Variants in ZDHHC15 observed in about 807,000 individuals in gnomAD.
ZDHHC15 encodes the protein zDHHC palmitoyltransferase 15.
A neutral mutation model predicts 31.7 loss-of-function variants in ZDHHC15; 19 were observed. That is an observed-to-expected ratio of 0.60 (90% confidence interval 0.42 to 0.88). The LOEUF (loss-of-function observed/expected upper bound fraction) is 0.88, where lower values mean the gene tolerates loss of function less well. Among genes scored for constraint, ZDHHC15 ranks in the 40% least tolerant of loss-of-function variants. ZDHHC15 has a pLI of 0.00. For synonymous variants in ZDHHC15, 103 were observed against 90.0 expected (o/e 1.14, Z -0.82); for missense variants, 209 against 251.2 (o/e 0.83, Z 1.14).
intron 4 of ZDHHC15, among the ~76,000 whole-genome samples, chrX:75,447,342 AT>A (rs1335331010): frequency 3.6e-5 from 4 of 112,570 alleles, no homozygotes; most frequent in African/African-American, 6.5e-5. Flanking sequence ...CAAAAGTGCC[AT>A]CGATGGACTT....
chrX:75,435,522 C>A (rs1341455313), intron 4 of ZDHHC15, among the ~76,000 whole-genome samples: 1 of 111,907 alleles, frequency 8.9e-6, no homozygotes, highest in Non-Finnish European at 1.9e-5. Context: ...CCCTTCTATG[C>A]TGATTTTGCT....
At chrX:75,445,241 T>C (rs1421917376) in intron 4 of ZDHHC15, among the ~76,000 whole-genome samples, 1 of 111,738 alleles carries the variant, frequency 8.9e-6, no homozygotes, top group African/African-American at 3.3e-5. Context: ...TTTTTCTGAA[T>C]TGGTTCTGAA....
intron 4 of ZDHHC15, among the ~76,000 whole-genome samples, chrX:75,442,614 G>A (rs1478256813): frequency 9.0e-6 from 1 of 110,708 alleles, no homozygotes; most frequent in East Asian, 2.8e-4. Flanking sequence ...ACCTTTTCAA[G>A]GAGAACTACA....
At chrX:75,516,261 A>G (rs2085354651) in intron 1 of ZDHHC15, among the ~76,000 whole-genome samples, 1 of 112,206 alleles carries the variant, frequency 8.9e-6, no homozygotes, top group East Asian at 2.8e-4. Flanking sequence ...AACCAAAAAA[A>G]GAGCCTGCAT....
At chrX:75,439,572 T>A (rs967160654) in intron 4 of ZDHHC15, among the ~76,000 whole-genome samples, 1 of 111,739 alleles carries the variant, frequency 8.9e-6, no homozygotes, top group Non-Finnish European at 1.9e-5. Flanking sequence ...CCATATCCTA[T>A]AATATTTTTA....
chrX:75,492,009 G>C (rs1172615904), intron 2 of ZDHHC15, among the ~76,000 whole-genome samples: 1 of 111,458 alleles, frequency 9.0e-6, no homozygotes, highest in Non-Finnish European at 1.9e-5. Flanking sequence ...AGTGGATAAA[G>C]AGTCAAGACC....
At chrX:75,394,558 G>T (rs1182098998) in intron 10 of ZDHHC15, among the ~76,000 whole-genome samples, 1 of 111,113 alleles carries the variant, frequency 9.0e-6, no homozygotes, top group African/African-American at 3.3e-5. Context: ...AACAAAAACA[G>T]AGCATGTGTA....
chrX:75,506,982 T>C (rs2085176037), intron 1 of ZDHHC15, among the ~76,000 whole-genome samples: 1 of 111,083 alleles, frequency 9.0e-6, no homozygotes, highest in African/African-American at 3.3e-5. Context: ...GAAAGTCACT[T>C]AGTACTTGTA....
intron 1 of ZDHHC15, among the ~76,000 whole-genome samples, chrX:75,521,246 C>T (rs1374440230): frequency 9.1e-6 from 1 of 110,124 alleles, no homozygotes; most frequent in Non-Finnish European, 1.9e-5. Context: ...AGGGTGCTGG[C>T]GATGGAATTA....
At position 75,369,054 on chromosome X, in the gene ZDHHC15, CATTA is replaced by C. The variant is rs1016673335; in HGVS notation, c.*3920_*3923del. The C allele has an allele frequency of 1.8e-5, 2 of 111,685 alleles. No homozygotes were observed. Among genetic ancestry groups the C allele is most frequent in the Non-Finnish European group, 3.8e-5 (2 of 53,159 alleles). The allele number at this position is 111,685 out of a possible 1,213,427, so 9.2% of individuals were successfully genotyped here. Reference sequence around the variant, plus strand: ...AACCAATTCCTAACGAGATGGAACTCATTAATTTTCTAAGAATATGGATCTTGTC... The same window carrying C: ...AACCAATTCCTAACGAGATGGAACTCATTTTCTAAGAATATGGATCTTGTC... On this transcript the variant is annotated 3_prime_UTR_variant, in exon 12 of 12. Transcript: ENST00000373367.
intron 2 of ZDHHC15, among the ~76,000 whole-genome samples, chrX:75,494,563 T>C (rs1474443576): frequency 3.6e-5 from 4 of 112,174 alleles, no homozygotes; most frequent in African/African-American, 9.7e-5. Context: ...CAAAACAGCA[T>C]GGTACTTGTA....
chrX:75,465,269 A>G (rs2084383712), intron 3 of ZDHHC15, among the ~76,000 whole-genome samples: 1 of 111,991 alleles, frequency 8.9e-6, no homozygotes, highest in Non-Finnish European at 1.9e-5. Flanking sequence ...GACTTCTTCA[A>G]GGAGAACTAC....
rs1390360093 is a variant in ZDHHC15, at chrX:75,511,398, T to C, written c.137-5551A>G. Among the ~76,000 whole-genome samples the C allele has an allele frequency of 1.5e-4, 8 of 54,659 alleles. No individual in the cohort carries two copies. In the East Asian group the frequency reaches 5.0e-3, roughly 34 times the overall value. 47.5% of individuals were successfully genotyped at this position (54,659 alleles called of 115,157 possible). A position where few individuals can be genotyped will look rare whatever the true frequency, so the allele number is the denominator to read the frequency against. On this transcript the variant is annotated intron_variant, in intron 1 of 11. Transcript: ENST00000373367. ...TTCTTTTGAGAAGTGTCTGTTCATG[T>C]CCTTCGCCCACTTTTTGATGGGGTT...
At position 75,489,087 on chromosome X, in the gene ZDHHC15, T is replaced by A. The variant is rs367769214; in HGVS notation, c.164-10102A>T. On this transcript the variant is annotated intron_variant, in intron 2 of 11. Coordinates refer to ENST00000373367, the MANE Select transcript of ZDHHC15 (RefSeq NM_144969.3). ...CTAGGCTTGAGTAGGTAAACAAAGC[T>A]GCCTGGAAGATTGAACTGGGTGGAG... is the stretch of plus-strand genomic sequence containing the variant. 3.0e-3 allele frequency among the ~76,000 whole-genome samples: 337 copies of A among 111,893 alleles called. 1 individual carries two copies. The highest frequency in any genetic ancestry group is 9.9e-3 in the African/African-American group (306 of 30,823).
intron 2 of ZDHHC15, among the ~76,000 whole-genome samples, chrX:75,486,962 T>C (rs1014511456): frequency 2.7e-5 from 3 of 110,931 alleles, no homozygotes; most frequent in African/African-American, 9.9e-5. Context: ...GCACCACCTA[T>C]CACCTGAAAA....
At chrX:75,405,083 T>C in intron 10 of ZDHHC15, among the ~76,000 whole-genome samples, 1 of 112,078 alleles carries the variant, frequency 8.9e-6, no homozygotes, top group Non-Finnish European at 1.9e-5. Flanking sequence ...TGTGGGAATA[T>C]GGATTGAGCT....
chrX:75,428,721 G>A (rs542157627), intron 7 of ZDHHC15, among the ~76,000 whole-genome samples: 11 of 111,647 alleles, frequency 9.9e-5, no homozygotes, highest in Middle Eastern at 4.7e-3. Context: ...AGGAAACTAG[G>A]GATTTAAAAT....
chrX:75,412,542 C>G (rs1189764355), intron 10 of ZDHHC15, among the ~76,000 whole-genome samples: 1 of 110,879 alleles, frequency 9.0e-6, no homozygotes, highest in African/African-American at 3.3e-5. Context: ...AGCGATTCTC[C>G]TGCCTCAACC....
At chrX:75,434,697 C>A (rs7063682) in intron 4 of ZDHHC15, among the ~76,000 whole-genome samples, 2,037 of 111,921 alleles carry the variant, frequency 0.018, 56 homozygotes, top group African/African-American at 0.062. Context: ...TTGGTCTATG[C>A]ACCTATTTTT....
Sources: allele counts gnomAD v4.1 joint callset (sites outside exome capture counted in the v4.1 genomes callset), GRCh38; gene constraint gnomAD v4.1.1; transcripts MANE v1.5; gene names NCBI Gene and HGNC (gene_info 2026-07-23, HGNC 2026-07-21).